Variants in ZMYM2 observed in about 807,000 individuals in gnomAD.
ZMYM2 encodes zinc finger MYM-type containing 2, also known as zinc finger MYM-type protein 2.
A neutral mutation model predicts 162.8 loss-of-function variants in ZMYM2; 56 were observed. The observed-to-expected ratio is 0.34, with a 90% CI of 0.28 to 0.43. The LOEUF (loss-of-function observed/expected upper bound fraction) is 0.43, where lower values mean the gene tolerates loss of function less well. ZMYM2 is among the 20% of genes least tolerant of loss of function. The probability of loss-of-function intolerance (pLI) is 1.00; values close to 1 mark genes in which losing one functional copy is unlikely to be tolerated. For synonymous variants in ZMYM2, 510 were observed against 541.6 expected (o/e 0.94, Z 0.81); for missense variants, 1,275 against 1,621.8 (o/e 0.79, Z 3.67).
At chr13:20,085,057 C>T (rs1268945162) in intron 24 of ZMYM2, among the ~76,000 whole-genome samples, 4 of 152,182 alleles carry the variant, frequency 2.6e-5, no homozygotes, top group African/African-American at 7.2e-5. Context: ...TTCATATACA[C>T]CTTATACATG....
At position 20,042,541 on chromosome 13, in the gene ZMYM2, G is replaced by T. The variant is rs187254327; in HGVS notation, c.2292+5632G>T. Among the ~76,000 whole-genome samples, 3 of 151,946 alleles carry T rather than the reference G, an allele frequency of 2.0e-5. No individual in the cohort carries two copies. The East Asian group carries it at 5.8e-4, about 29-fold the overall frequency. On this transcript the variant is annotated intron_variant, in intron 12 of 24. Transcript: ENST00000610343. ...TTTCCATATTCTGAATTCTATTTCT[G>T]TTATTTCAGCCATCTCTGCCTGATT...
At chr13:20,043,126 C>T (rs553816566) in intron 12 of ZMYM2, among the ~76,000 whole-genome samples, 13 of 152,176 alleles carry the variant, frequency 8.5e-5, no homozygotes, top group South Asian at 4.2e-4. Flanking sequence ...TTTAAGGGAC[C>T]GGTGCTAAGT....
chr13:20,032,599 C>CTTTTTTTTTTT (rs57294389), intron 10 of ZMYM2, among the ~76,000 whole-genome samples: 1 of 66,040 alleles, frequency 1.5e-5, no homozygotes, highest in East Asian at 4.2e-4. Context: ...TTTTTTCTGT[C>CTTTTTTTTTTT]TTTTTTTTTT....
intron 9 of ZMYM2, among the ~76,000 whole-genome samples, chr13:20,028,644 A>C (rs138614503): frequency 6.6e-6 from 1 of 152,180 alleles, no homozygotes; most frequent in African/African-American, 2.4e-5. Flanking sequence ...TAGTATTTGC[A>C]TGTAACCTAC....
chr13:20,071,859 G>T (rs550991393), intron 21 of ZMYM2: 11 of 186,608 alleles, frequency 5.9e-5, no homozygotes, highest in African/African-American at 2.6e-4. Flanking sequence ...CCTGGATCCA[G>T]TGCAGGGTTG....
intron 2 of ZMYM2, among the ~76,000 whole-genome samples, chr13:19,986,736 A>C (rs1949177402): frequency 6.6e-6 from 1 of 152,118 alleles, no homozygotes; most frequent in Admixed American, 6.5e-5. Context: ...GTTATTATGG[A>C]CCAAATATTC....
intron 12 of ZMYM2, among the ~76,000 whole-genome samples, chr13:20,041,363 C>G (rs1954229725): frequency 6.6e-6 from 1 of 151,922 alleles, no homozygotes; most frequent in East Asian, 1.9e-4. Context: ...TCTGTTTTGT[C>G]TGAGGCAACC....
At chr13:20,077,780 TC>T (rs1957610798) in intron 21 of ZMYM2, among the ~76,000 whole-genome samples, 1 of 152,066 alleles carries the variant, frequency 6.6e-6, no homozygotes, top group South Asian at 2.1e-4. Flanking sequence ...AGGCCTCTAT[TC>T]CTTGATAAAA....
chr13:19,967,966 A>G (rs567160389), intron 2 of ZMYM2, among the ~76,000 whole-genome samples: 1 of 152,268 alleles, frequency 6.6e-6, no homozygotes, highest in East Asian at 1.9e-4. Context: ...ATTAGTCTGC[A>G]GTGCTTTATC....
chr13:20,036,889 T>A lies in ZMYM2; in HGVS notation c.2272T>A (p.Phe758Ile), dbSNP rs1953755873. 1 of 1,609,446 alleles carries A rather than the reference T, an allele frequency of 6.2e-7. No homozygotes were observed. Among genetic ancestry groups the A allele is most frequent in the African/African-American group, 1.3e-5 (1 of 74,768 alleles). The change falls in exon 12 of 25, where the codon TTT (phenylalanine) becomes ATT (isoleucine). Residue 758 changes from phenylalanine (F) to isoleucine (I), a missense_variant. By Grantham distance (21) the Phe-to-Ile change is conservative (BLOSUM62 0). Transcript: ENST00000610343. ...DFCSEDCCKK[F>I]QDWYYKAARC... Reference sequence around the variant, plus strand: ...CTGCAGTGAAGATTGCTGTAAAAAATTTCAGGATTGGTACTACAAGGCGAG... The same window carrying A: ...CTGCAGTGAAGATTGCTGTAAAAAAATTCAGGATTGGTACTACAAGGCGAG...
At chr13:19,879,865 G>A in the ZMYM2 span, among the ~76,000 whole-genome samples, 97,982 of 152,100 alleles carry the variant, frequency 0.64, 35,225 homozygotes, top group East Asian at 0.89. Flanking sequence ...ATTTGAGTCA[G>A]GAGATTGAGT....
At chr13:19,884,736 C>T in the ZMYM2 span, among the ~76,000 whole-genome samples, 3 of 152,252 alleles carry the variant, frequency 2.0e-5, no homozygotes, top group South Asian at 2.1e-4. Context: ...GACACAAACT[C>T]TCGCGATAAA....
intron 21 of ZMYM2, among the ~76,000 whole-genome samples, chr13:20,071,282 G>A (rs1957068352): frequency 6.6e-6 from 1 of 152,136 alleles, no homozygotes; most frequent in Non-Finnish European, 1.5e-5. Flanking sequence ...TTCTGTTAAC[G>A]GAAGGAAAGT....
chr13:20,065,846 G>A (rs1956633694), intron 19 of ZMYM2, among the ~76,000 whole-genome samples: 1 of 152,114 alleles, frequency 6.6e-6, no homozygotes, highest in Non-Finnish European at 1.5e-5. Context: ...TAGCATGGGT[G>A]ACAGAGCAAG....
chr13:19,955,502 C>T, upstream of ZMYM2, among the ~76,000 whole-genome samples: 1 of 152,200 alleles, frequency 6.6e-6, no homozygotes, highest in East Asian at 1.9e-4. Flanking sequence ...CAGTCTGGCT[C>T]TTTAAGCTGT....
In ZMYM2 at chr13:20,080,880, G is replaced by T. The variant is rs189522266; in HGVS notation, c.3454-1136G>T. 4.6e-3 allele frequency among the ~76,000 whole-genome samples: 697 copies of T among 152,282 alleles called. 3 individuals carry two copies. Among genetic ancestry groups the T allele is most frequent in the Middle Eastern group, 0.014 (4 of 294 alleles). On this transcript the variant is annotated intron_variant, in intron 21 of 24. Transcript: ENST00000610343. ...TGGTACATGGTTACAGGTCATGCTT[G>T]TATGTCATGCAGACATTCAACTATG...
chr13:19,864,352 C>T, the ZMYM2 span: 1 of 154,994 alleles, frequency 6.5e-6, no homozygotes, highest in African/African-American at 2.4e-5. Context: ...ACTGTGGGAA[C>T]TTGGGACCCC....
the ZMYM2 span, among the ~76,000 whole-genome samples, chr13:19,895,075 TCAAAAA>T: frequency 8.0e-5 from 1 of 12,450 alleles, no homozygotes; most frequent in Admixed American, 1.3e-3. Context: ...AAACTCCATC[TCAAAAA>T]AAAAAAAAAA....
At chr13:20,083,169 T>C (rs1958020681) in intron 23 of ZMYM2, 137 bp downstream of exon 23, 2 of 883,666 alleles carry the variant, frequency 2.3e-6, no homozygotes, top group African/African-American at 3.4e-5. Flanking sequence ...TTCAAGCAAT[T>C]CTCCTCCCTC....
Sources: gnomAD v4.1 joint callset for allele counts (sites outside exome capture counted in the v4.1 genomes callset) on GRCh38, gnomAD v4.1.1 for gene constraint, MANE v1.5 for transcripts, NCBI Gene and HGNC (gene_info 2026-07-23, HGNC 2026-07-21) for gene names.